GTF2F2: variants seen among roughly 807,000 people sequenced by gnomAD.
The protein encoded by GTF2F2 is ATP-dependent helicase GTF2F2.
GTF2F2 carries 23 observed loss-of-function variants against 42.2 expected under a neutral mutation model. The ratio of observed to expected loss-of-function variants is 0.55; its 90% CI spans 0.39 to 0.77. The LOEUF is 0.77. Among genes scored for constraint, GTF2F2 ranks in the 30% least tolerant of loss-of-function variants. The probability of loss-of-function intolerance (pLI) is 0.00; values close to 1 mark genes in which losing one functional copy is unlikely to be tolerated. For missense variants in GTF2F2, 261 were observed against 287.2 expected, an observed-to-expected ratio of 0.91 and a Z score of 0.66; for synonymous variants, 105 against 100.8, an observed-to-expected ratio of 1.04 and a Z score of -0.25.
At chr13:45,179,522 A>G (rs921704901) in intron 4 of GTF2F2, among the ~76,000 whole-genome samples, 1 of 152,188 alleles carries the variant, frequency 6.6e-6, no homozygotes, top group African/African-American at 2.4e-5. Context: ...ACTGCCCTGA[A>G]GGTATATAGT....
chr13:45,133,029 A>G (rs1344811828), intron 1 of GTF2F2, among the ~76,000 whole-genome samples: 1 of 152,138 alleles, frequency 6.6e-6, no homozygotes, highest in Non-Finnish European at 1.5e-5. Context: ...TGTGGCAGAG[A>G]AGAGGAATAA....
chr13:45,259,350 C>T (rs28558236), intron 6 of GTF2F2, among the ~76,000 whole-genome samples: 13 of 152,122 alleles, frequency 8.5e-5, no homozygotes, highest in African/African-American at 2.2e-4. Context: ...TGCTTGAACC[C>T]GGGAGGCGGA....
In GTF2F2 at chr13:45,181,200, A is replaced by AAAAAAAAAAC. The variant is rs766375703; in HGVS notation, c.305-26221_305-26220insAAAAAACAAA. Among the ~76,000 whole-genome samples, 174 of 132,818 alleles carry AAAAAAAAAAC rather than the reference A, an allele frequency of 1.3e-3. 6 individuals are homozygous for AAAAAAAAAAC. The highest frequency in any genetic ancestry group is 1.6e-3 in the African/African-American group (55 of 35,166). The allele number at this position is 132,818 out of a possible 152,430, so 87.1% of individuals were successfully genotyped here. Reference sequence around the variant, plus strand: ...AAAAAACAAACAAACAAAAAAAAAAAAAACCAGAAAAACCAAAGGTGATAT... The same window carrying AAAAAAAAAAC: ...AAAAAACAAACAAACAAAAAAAAAAAAAAAAAAAACAAACCAGAAAAACCAAAGGTGATAT... On this transcript the variant is annotated intron_variant, in intron 4 of 7. Transcript: ENST00000340473.
At chr13:45,263,078 C>T (rs1049574599) in intron 6 of GTF2F2, among the ~76,000 whole-genome samples, 11 of 152,058 alleles carry the variant, frequency 7.2e-5, no homozygotes, top group South Asian at 4.1e-4. Flanking sequence ...GTTAAACAGT[C>T]CCTGAGGACA....
chr13:45,243,325 G>A (rs572172717), intron 5 of GTF2F2, among the ~76,000 whole-genome samples: 7 of 152,268 alleles, frequency 4.6e-5, no homozygotes, highest in South Asian at 4.2e-4. Context: ...CCTGAGCTCC[G>A]CCTCCTGTCT....
chr13:45,281,729 CAA>C (rs1275707842), intron 7 of GTF2F2, among the ~76,000 whole-genome samples: 2 of 152,218 alleles, frequency 1.3e-5, no homozygotes, highest in African/African-American at 4.8e-5. Context: ...AATATACAGA[CAA>C]GAGCTTCTCA....
intron 2 of GTF2F2, among the ~76,000 whole-genome samples, chr13:45,147,640 AAAG>A (rs1870262793): frequency 6.6e-6 from 1 of 152,228 alleles, no homozygotes; most frequent in African/African-American, 2.4e-5. Flanking sequence ...CTTCCTCAAC[AAAG>A]AAGAGACTGA....
At chr13:45,245,932 T>C (rs1246139080) in intron 5 of GTF2F2, among the ~76,000 whole-genome samples, 3 of 128,620 alleles carry the variant, frequency 2.3e-5, no homozygotes, top group Non-Finnish European at 4.9e-5. Context: ...CTAGCGAGAC[T>C]CCATCTCAAA....
intron 6 of GTF2F2, among the ~76,000 whole-genome samples, chr13:45,258,291 C>A (rs1876183912): frequency 6.6e-6 from 1 of 151,578 alleles, no homozygotes; most frequent in Non-Finnish European, 1.5e-5. Context: ...TTTAGGAATA[C>A]CAAATGGATG....
At chr13:45,204,373 C>T (rs1873335747) in intron 4 of GTF2F2, among the ~76,000 whole-genome samples, 1 of 152,096 alleles carries the variant, frequency 6.6e-6, no homozygotes, top group Non-Finnish European at 1.5e-5. Flanking sequence ...ACATAGTAGG[C>T]ACTCAGTAAA....
At chr13:45,243,502 T>A (rs1875427082) in intron 5 of GTF2F2, among the ~76,000 whole-genome samples, 1 of 152,226 alleles carries the variant, frequency 6.6e-6, no homozygotes, top group Non-Finnish European at 1.5e-5. Context: ...GGAAAAATTG[T>A]CTTCCACAAA....
chr13:45,188,678 G>C (rs1593479678), intron 4 of GTF2F2, among the ~76,000 whole-genome samples: 1 of 152,278 alleles, frequency 6.6e-6, no homozygotes, highest in Middle Eastern at 3.4e-3. Flanking sequence ...TAAGGATCTT[G>C]CTTATAATCA....
Position 45,283,544 on chromosome 13 carries a change from G to A in GTF2F2, c.733G>A (p.Glu245Lys), listed in dbSNP as rs1334902473. 6.2e-7 allele frequency: 1 copy of A among 1,610,214 alleles called. No individual in the cohort carries two copies. The highest frequency in any genetic ancestry group is 1.7e-5 in the Admixed American group (1 of 59,400). Reference protein sequence around the residue: ...LKPEYRHYQGEEKSD With the variant: ...LKPEYRHYQGKEKSD ...GCCAGAGTACAGACACTATCAAGGAGAAGAAAAGAGTGACTAAGAAGACTC... is the reference window on the plus strand; with the variant it reads ...GCCAGAGTACAGACACTATCAAGGAAAAGAAAAGAGTGACTAAGAAGACTC... Residue 245 changes from glutamate to lysine, a missense_variant, in exon 8 of 8, where the codon GAA (glutamate) becomes AAA (lysine). Physicochemically the swap from Glu to Lys is moderately conservative, Grantham distance 56 (BLOSUM62 1). Transcript: ENST00000340473.
At chr13:45,241,756 C>T (rs1002022974) in intron 5 of GTF2F2, among the ~76,000 whole-genome samples, 8 of 152,008 alleles carry the variant, frequency 5.3e-5, no homozygotes, top group African/African-American at 1.7e-4. Flanking sequence ...ACCAAATAAC[C>T]CTCTCTGATG....
chr13:45,194,002 A>G (rs1488295550), intron 4 of GTF2F2: 2 of 1,614,100 alleles, frequency 1.2e-6, no homozygotes, highest in Non-Finnish European at 8.5e-7. Context: ...ATTTGACGAT[A>G]TTGAAAACTC....
chr13:45,169,915 G>T (rs146283983), intron 4 of GTF2F2, among the ~76,000 whole-genome samples: 1 of 152,108 alleles, frequency 6.6e-6, no homozygotes, highest in Non-Finnish European at 1.5e-5. Flanking sequence ...TAGAAATGTT[G>T]CAATATTAGA....
At chr13:45,142,988 A>G (rs546038330) in intron 2 of GTF2F2, among the ~76,000 whole-genome samples, 11 of 152,224 alleles carry the variant, frequency 7.2e-5, no homozygotes, top group Non-Finnish European at 1.6e-4. Context: ...TTACTTTGCC[A>G]GTCAGCTCAC....
At chr13:45,224,403 T>C (rs1046131791) in intron 5 of GTF2F2, among the ~76,000 whole-genome samples, 1 of 152,220 alleles carries the variant, frequency 6.6e-6, no homozygotes, top group African/African-American at 2.4e-5. Flanking sequence ...AGTGAAGGTC[T>C]GATGGGCTTG....
At chr13:45,191,956 T>G (rs1475147600) in intron 4 of GTF2F2, among the ~76,000 whole-genome samples, 2 of 152,134 alleles carry the variant, frequency 1.3e-5, no homozygotes, top group Non-Finnish European at 1.5e-5. Flanking sequence ...AAAAGATATG[T>G]CAGGGTTATT....
Sources: allele counts gnomAD v4.1 joint callset (sites outside exome capture counted in the v4.1 genomes callset), GRCh38; gene constraint gnomAD v4.1.1; transcripts MANE v1.5; gene names NCBI Gene and HGNC (gene_info 2026-07-23, HGNC 2026-07-21).